SNTG1: variants seen among roughly 807,000 people sequenced by gnomAD.
SNTG1 encodes the protein gamma-1-syntrophin.
In SNTG1, 39 loss-of-function variants were observed where a neutral mutation model predicts 74.7. That is an observed-to-expected ratio of 0.52 (90% CI 0.40 to 0.68). The LOEUF (loss-of-function observed/expected upper bound fraction) is 0.68, where lower values mean the gene tolerates loss of function less well. SNTG1 is among the 30% of genes least tolerant of loss of function. SNTG1 has a pLI of 0.00. For missense variants in SNTG1, 685 were observed against 609.5 expected (o/e 1.12, Z -1.30); for synonymous variants, 254 against 217.1 (o/e 1.17, Z -1.49).
chr8:50,756,363 T>C (rs1290764032), intron 18 of SNTG1, among the ~76,000 whole-genome samples: 2 of 151,902 alleles, frequency 1.3e-5, no homozygotes, highest in African/African-American at 4.8e-5. Flanking sequence ...CTATGTTATC[T>C]TCTAGGAGTT....
intron 2 of SNTG1, among the ~76,000 whole-genome samples, chr8:50,319,632 C>G (rs1481710194): frequency 6.6e-6 from 1 of 152,152 alleles, no homozygotes. Flanking sequence ...AAGTGGGCAT[C>G]CTTGTCATGT....
intron 12 of SNTG1, among the ~76,000 whole-genome samples, chr8:50,584,326 T>A (rs1459450767): frequency 6.6e-6 from 1 of 151,166 alleles, no homozygotes; most frequent in Non-Finnish European, 1.5e-5. Context: ...TTCTAGATCC[T>A]TGAGGAATCA....
intron 2 of SNTG1, among the ~76,000 whole-genome samples, chr8:50,330,227 CT>C (rs2090910715): frequency 6.6e-6 from 1 of 152,032 alleles, no homozygotes; most frequent in South Asian, 2.1e-4. Flanking sequence ...GGTTTTTCCC[CT>C]TTTGCTTGGC....
chr8:50,658,108 T>C (rs2095195059), intron 14 of SNTG1, among the ~76,000 whole-genome samples: 1 of 152,152 alleles, frequency 6.6e-6, no homozygotes, highest in Non-Finnish European at 1.5e-5. Context: ...TAAATATAGT[T>C]TCCAACCTAA....
At chr8:50,392,799 G>A (rs1231940671) in intron 2 of SNTG1, among the ~76,000 whole-genome samples, 1 of 152,102 alleles carries the variant, frequency 6.6e-6, no homozygotes, top group Non-Finnish European at 1.5e-5. Context: ...CTGCTCAAAT[G>A]TGCCATGTTA....
intron 2 of SNTG1, among the ~76,000 whole-genome samples, chr8:50,257,654 T>C (rs1399504592): frequency 6.6e-6 from 1 of 152,174 alleles, no homozygotes; most frequent in Non-Finnish European, 1.5e-5. Context: ...CCTTGAGCAG[T>C]ATGATATAAA....
At chr8:50,706,365 A>C (rs117393673) in intron 16 of SNTG1, among the ~76,000 whole-genome samples, 2,269 of 152,260 alleles carry the variant, frequency 0.015, 18 homozygotes, top group Non-Finnish European at 0.022. Flanking sequence ...AATTTAATGG[A>C]ATGTAAGTTG....
At chr8:50,487,076 C>A (rs2093802595) in intron 8 of SNTG1, among the ~76,000 whole-genome samples, 1 of 152,092 alleles carries the variant, frequency 6.6e-6, no homozygotes, top group African/African-American at 2.4e-5. Context: ...AGCCAAAAAA[C>A]ACATGAAAAA....
intron 13 of SNTG1, among the ~76,000 whole-genome samples, chr8:50,653,096 T>G (rs1187804369): frequency 6.6e-6 from 1 of 151,944 alleles, no homozygotes; most frequent in Non-Finnish European, 1.5e-5. Flanking sequence ...GGGTTTTTCT[T>G]TTGCTTTTGT....
chr8:50,215,076 G>A (rs2084713931), intron 2 of SNTG1, among the ~76,000 whole-genome samples: 1 of 151,934 alleles, frequency 6.6e-6, no homozygotes, highest in Non-Finnish European at 1.5e-5. Flanking sequence ...TCTCATCTTG[G>A]GCTGACCACC....
intron 1 of SNTG1, among the ~76,000 whole-genome samples, chr8:50,010,216 A>G (rs1407287628): frequency 1.3e-5 from 2 of 152,082 alleles, no homozygotes; most frequent in African/African-American, 2.4e-5. Flanking sequence ...TCTAATAATA[A>G]TTGTGTTCAA....
chr8:50,767,602 T>C (rs543377224), intron 18 of SNTG1, among the ~76,000 whole-genome samples: 2 of 152,012 alleles, frequency 1.3e-5, no homozygotes, highest in East Asian at 3.9e-4. Context: ...TGAGCGGTAT[T>C]ATAGTTTTTT....
intron 13 of SNTG1, among the ~76,000 whole-genome samples, chr8:50,636,835 C>T (rs1436483948): frequency 6.6e-6 from 1 of 152,186 alleles, no homozygotes; most frequent in Non-Finnish European, 1.5e-5. Flanking sequence ...AGCTGCTATT[C>T]AGCCATCTTG....
chr8:50,332,714 G>A (rs1184782837), intron 2 of SNTG1, among the ~76,000 whole-genome samples: 1 of 152,084 alleles, frequency 6.6e-6, no homozygotes, highest in Non-Finnish European at 1.5e-5. Context: ...TAAAATAAAA[G>A]TTTTGCCAGC....
intron 13 of SNTG1, among the ~76,000 whole-genome samples, chr8:50,645,390 T>C (rs1563687536): frequency 6.6e-6 from 1 of 152,122 alleles, no homozygotes; most frequent in Non-Finnish European, 1.5e-5. Flanking sequence ...TTTGAACATA[T>C]TAAGCATGAT....
At chr8:50,083,213 AC>A (rs1394783853) in intron 1 of SNTG1, among the ~76,000 whole-genome samples, 1 of 152,138 alleles carries the variant, frequency 6.6e-6, no homozygotes, top group Admixed American at 6.6e-5. Flanking sequence ...TGGTTTTATG[AC>A]TTTTGTTAAA....
chr8:50,096,021 T>G lies in SNTG1; in HGVS notation c.-102-76540T>G, dbSNP rs1370891469. Among the ~76,000 whole-genome samples, 3 of 152,112 alleles carry G rather than the reference T, an allele frequency of 2.0e-5. No individual in the cohort carries two copies. In the East Asian group the frequency reaches 5.8e-4, roughly 29 times the overall value. The stretch of plus-strand genomic sequence containing the variant: ...CCATGAATGACAAACATTTTTAAGG[T>G]CAATAGAGCCCCAATCTAGTAAATG... On this transcript the variant is annotated intron_variant, in intron 1 of 18. Coordinates refer to ENST00000642720, the MANE Select transcript of SNTG1 (RefSeq NM_018967.5).
chr8:50,291,649 G>A (rs1448456727), intron 2 of SNTG1, among the ~76,000 whole-genome samples: 1 of 152,114 alleles, frequency 6.6e-6, no homozygotes, highest in Non-Finnish European at 1.5e-5. Context: ...CTTTGAAAAG[G>A]AGTAATATGA....
chr8:49,953,564 T>C (rs887733828), intron 1 of SNTG1, among the ~76,000 whole-genome samples: 1 of 152,306 alleles, frequency 6.6e-6, no homozygotes, highest in Non-Finnish European at 1.5e-5. Context: ...TATTTTAATT[T>C]AAGATTATGA....
Sources: allele counts gnomAD v4.1 joint callset (sites outside exome capture counted in the v4.1 genomes callset), GRCh38; gene constraint gnomAD v4.1.1; transcripts MANE v1.5; gene names NCBI Gene and HGNC (gene_info 2026-07-23, HGNC 2026-07-21).